Variants in ZNF91 observed in about 807,000 individuals in gnomAD.
ZNF91 encodes the protein zinc finger protein 91 (HPF7, HTF10).
A neutral mutation model predicts 12.6 loss-of-function variants in ZNF91; 7 were observed. The ratio of observed to expected loss-of-function variants is 0.55; its 90% CI spans 0.31 to 1.04. The LOEUF is 1.04. ZNF91 is among the 50% of genes least tolerant of loss of function. ZNF91 has a pLI of 0.05. For missense variants in ZNF91, 1,217 were observed against 1,385.4 expected (o/e 0.88, Z 1.93); for synonymous variants, 453 against 462.6 (o/e 0.98, Z 0.27).
intron 1 of ZNF91, among the ~76,000 whole-genome samples, chr19:23,323,531 CCTTTTCCTTTTTCTCTCCTCTTCCTTT>C (rs1967759142): frequency 6.9e-6 from 1 of 145,728 alleles, no homozygotes; most frequent in African/African-American, 2.6e-5. Flanking sequence ...CTCTTCTCCT[CCTTTTCCTTTTTCTCTCCTCTTCCTTT>C]TTCCTTTTCC....
At chr19:23,343,084 A>G (rs1230037303) in intron 3 of ZNF91, among the ~76,000 whole-genome samples, 1 of 152,234 alleles carries the variant, frequency 6.6e-6, no homozygotes, top group African/African-American at 2.4e-5. Context: ...AAACCACTGT[A>G]GGTACTGTAG....
In ZNF91 at chr19:23,362,333, C is replaced by G; in HGVS notation, c.646G>C (p.Glu216Gln). ...TEKSCKCKEC[E>Q]KTFHWSSTLT... ...GTTGAGGACCAATGAAAGGTTTTTTCACATTCTTTACATTTACAGGACTTC... is the reference window on the plus strand; with the variant it reads ...GTTGAGGACCAATGAAAGGTTTTTTGACATTCTTTACATTTACAGGACTTC... The change falls in exon 4 of 4, where the codon GAA (glutamate) becomes CAA (glutamine). Residue 216 changes from glutamate (E) to glutamine (Q), a missense_variant. By Grantham distance (29) the Glu-to-Gln change is conservative. Around this residue, in one of 2 missense-constraint regions of ZNF91, gnomAD observed 726 missense variants for 895.5 expected, o/e 0.81. Coordinates refer to ENST00000300619, the MANE Select transcript of ZNF91 (RefSeq NM_003430.4). 6.2e-7 allele frequency: 1 copy of G among 1,613,222 alleles called. No homozygotes were observed. The highest frequency in any genetic ancestry group is 8.5e-7 in the Non-Finnish European group (1 of 1,179,724).
At chr19:23,311,500 G>C (rs75619948), upstream of ZNF91, among the ~76,000 whole-genome samples, 114 of 152,282 alleles carry the variant, frequency 7.5e-4, 1 homozygote, top group East Asian at 0.02. Flanking sequence ...ACAGATTCTA[G>C]GTAACATGAC....
intron 1 of ZNF91, among the ~76,000 whole-genome samples, chr19:23,389,258 T>C (rs1481112669): frequency 6.6e-6 from 1 of 152,242 alleles, no homozygotes; most frequent in African/African-American, 2.4e-5. Flanking sequence ...TCTGATTTAT[T>C]TCTGGGTCCA....
chr19:23,363,671 T>TG (rs1482386926), intron 3 of ZNF91, among the ~76,000 whole-genome samples: 1 of 152,132 alleles, frequency 6.6e-6, no homozygotes, highest in African/African-American at 2.4e-5. Flanking sequence ...GGCAATATGA[T>TG]GCCACCAAAA....
At chr19:23,377,828 TAC>T (rs1969556676) in intron 1 of ZNF91, among the ~76,000 whole-genome samples, 1 of 152,204 alleles carries the variant, frequency 6.6e-6, no homozygotes, top group Non-Finnish European at 1.5e-5. Context: ...AACAGGATGT[TAC>T]AGAGCACTGT....
intron 3 of ZNF91, chr19:23,340,256 T>G (rs996825904): frequency 6.6e-6 from 1 of 152,084 alleles, no homozygotes; most frequent in Admixed American, 6.6e-5. Context: ...AGAGTTGGTT[T>G]TTCAAAAAGA....
downstream of ZNF91, chr19:23,338,236 G>C (rs181613098): frequency 2.9e-3 from 447 of 152,080 alleles, 17 homozygotes; most frequent in Admixed American, 0.029. Flanking sequence ...TAAAGTCAAA[G>C]TGAAGGAAGT....
At chr19:23,355,436 A>T (rs1968462683), downstream of ZNF91, among the ~76,000 whole-genome samples, 5 of 152,216 alleles carry the variant, frequency 3.3e-5, no homozygotes, top group Admixed American at 3.3e-4. Flanking sequence ...CTCTCACCTT[A>T]TAAAAGAAAC....
exon 4 of ZNF91, chr19:23,338,915 G>A (rs904855930): frequency 7.9e-5 from 12 of 152,072 alleles, no homozygotes; most frequent in African/African-American, 2.9e-4. Context: ...AGCTGAGCGT[G>A]GTGGTGTGTG....
intron 3 of ZNF91, among the ~76,000 whole-genome samples, chr19:23,341,188 C>A (rs1438482344): frequency 1.3e-5 from 2 of 151,836 alleles, no homozygotes; most frequent in Non-Finnish European, 2.9e-5. Context: ...GGAGTTGGGG[C>A]TGCAGGCAAG....
At chr19:23,365,325 T>C (rs1027387460) in intron 3 of ZNF91, among the ~76,000 whole-genome samples, 3 of 149,672 alleles carry the variant, frequency 2.0e-5, no homozygotes, top group African/African-American at 7.3e-5. Context: ...CTACATGGTG[T>C]CCAGGCACCG....
rs148781391 is a variant in ZNF91 at position 23,389,475 on chromosome 19, G to A, written c.30+5850C>T. ...CTGAGTGTGGTTCCCTGTCCTGGGA[G>A]AGGTGTGGACACATTAATGTCTAGT... is the stretch of plus-strand genomic sequence containing the variant. On this transcript the variant is annotated intron_variant, in intron 1 of 3. Coordinates refer to ENST00000300619, the MANE Select transcript of ZNF91 (RefSeq NM_003430.4). Among the ~76,000 whole-genome samples, 814 of 152,280 alleles carry A rather than the reference G, an allele frequency of 5.3e-3. 2 individuals carry two copies. The highest frequency in any genetic ancestry group is 0.018 in the African/African-American group (762 of 41,558).
chr19:23,327,815 T>C (rs1967864454), intron 1 of ZNF91: 1 of 152,260 alleles, frequency 6.6e-6, no homozygotes, highest in African/African-American at 2.4e-5. Context: ...AATCTATATG[T>C]ATTTGGTTAA....
rs997740952 is a variant in ZNF91, at chr19:23,392,349, T to C, written c.30+2976A>G. Among the ~76,000 whole-genome samples, 7 of 149,086 alleles carry C rather than the reference T, an allele frequency of 4.7e-5. No homozygotes were observed. In the East Asian group the frequency reaches 1.4e-3, roughly 29 times the overall value. ...AGGCAGAGGTTGCAGTGAGTTGAGATTGCACTACTGCACTCCAGCCTGGGT... is the reference window on the plus strand; with the variant it reads ...AGGCAGAGGTTGCAGTGAGTTGAGACTGCACTACTGCACTCCAGCCTGGGT... On this transcript the variant is annotated intron_variant, in intron 1 of 3. Coordinates refer to ENST00000300619, the MANE Select transcript of ZNF91 (RefSeq NM_003430.4).
intron 1 of ZNF91, chr19:23,329,128 TTC>T (rs1380838003): frequency 2.6e-5 from 4 of 151,982 alleles, no homozygotes; most frequent in Admixed American, 2.6e-4. Flanking sequence ...ATTCTTTTCC[TTC>T]TTTCAATTTT....
chr19:23,373,748 G>C lies in ZNF91; in HGVS notation c.247C>G (p.Pro83Ala), dbSNP rs148956643. 6.2e-7 allele frequency: 1 copy of C among 1,608,540 alleles called. No individual in the cohort carries two copies. Residue 83 changes from proline (P) to alanine (A), a missense_variant, in exon 3 of 4, where the codon CCC (proline) becomes GCC (alanine). By Grantham distance (27) the Pro-to-Ala change is conservative. This residue lies in a region of ZNF91 where 726 missense variants were observed against 895.5 expected (regional missense o/e 0.81). Coordinates refer to ENST00000300619, the MANE Select transcript of ZNF91 (RefSeq NM_003430.4). ...TGTATTCACTCTCACCTACCTGTGGGTTCATCCACCATCTCATGTTGCTTC... is the reference window on the plus strand; with the variant it reads ...TGTATTCACTCTCACCTACCTGTGGCTTCATCCACCATCTCATGTTGCTTC... ...NMKQHEMVDEPTGICPHFPQD... is the reference protein window; with the variant it reads ...NMKQHEMVDEATGICPHFPQD...
At chr19:23,345,342 C>T (rs551335404) in intron 3 of ZNF91, among the ~76,000 whole-genome samples, 5 of 152,284 alleles carry the variant, frequency 3.3e-5, no homozygotes, top group South Asian at 2.1e-4. Flanking sequence ...TCAAGATATC[C>T]GTGCCTTGTC....
At chr19:23,389,066 G>A (rs1419709129) in intron 1 of ZNF91, among the ~76,000 whole-genome samples, 2 of 151,906 alleles carry the variant, frequency 1.3e-5, no homozygotes, top group African/African-American at 4.8e-5. Context: ...TAGTACCTTA[G>A]TTACAAAATA....
Sources: gnomAD v4.1 joint callset for allele counts (sites outside exome capture counted in the v4.1 genomes callset) on GRCh38, gnomAD v4.1.1 for gene constraint, gnomAD v4.1.1 regional missense constraint, MANE v1.5 for transcripts, NCBI Gene and HGNC (gene_info 2026-07-23, HGNC 2026-07-21) for gene names.